Variants in B3GALT1 observed in about 807,000 individuals in gnomAD.
B3GALT1 encodes the protein beta-1,3-galactosyltransferase 1.
A neutral mutation model predicts 23.2 loss-of-function variants in B3GALT1; 10 were observed. The ratio of observed to expected loss-of-function variants is 0.43; its 90% confidence interval spans 0.27 to 0.73. B3GALT1 has a LOEUF of 0.73. B3GALT1 is among the 30% of genes least tolerant of loss of function. The probability of loss-of-function intolerance (pLI) is 0.21; values close to 1 mark genes in which losing one functional copy is unlikely to be tolerated. For missense variants in B3GALT1, 299 were observed against 405.4 expected (o/e 0.74, Z 2.25); for synonymous variants, 156 against 141.5 (o/e 1.10, Z -0.73).
chr2:167,749,501 A>G (rs745710287), intron 3 of B3GALT1, among the ~76,000 whole-genome samples: 2 of 152,196 alleles, frequency 1.3e-5, no homozygotes, highest in African/African-American at 2.4e-5. Context: ...TGTTGTTAAC[A>G]TATGTGAGGC....
chr2:167,648,170 T>TTA (rs1311814305), intron 3 of B3GALT1, among the ~76,000 whole-genome samples: 7 of 152,244 alleles, frequency 4.6e-5, no homozygotes, highest in Non-Finnish European at 1.0e-4. Flanking sequence ...CATCTCCCTA[T>TTA]TATGATATCT....
chr2:167,628,949 A>T (rs1158200690), intron 2 of B3GALT1, among the ~76,000 whole-genome samples: 13 of 151,664 alleles, frequency 8.6e-5, no homozygotes, highest in Admixed American at 8.6e-4. Flanking sequence ...GGCACATGGT[A>T]TAGAAGAAAA....
At chr2:167,810,431 T>C (rs1002110311) in intron 3 of B3GALT1, among the ~76,000 whole-genome samples, 1 of 150,820 alleles carries the variant, frequency 6.6e-6, no homozygotes, top group African/African-American at 2.5e-5. Flanking sequence ...CCACCCTTTG[T>C]TTGTTTTTTC....
At chr2:167,776,229 G>A (rs1688159694) in intron 3 of B3GALT1, among the ~76,000 whole-genome samples, 1 of 152,140 alleles carries the variant, frequency 6.6e-6, no homozygotes, top group African/African-American at 2.4e-5. Context: ...GATATTGAAT[G>A]ACAGGGGACT....
At chr2:167,430,932 A>T (rs984076838) in intron 1 of B3GALT1, among the ~76,000 whole-genome samples, 12 of 152,206 alleles carry the variant, frequency 7.9e-5, no homozygotes, top group Admixed American at 4.6e-4. Context: ...CAAGGATAAA[A>T]TTTAGGTTAT....
chr2:167,672,475 A>G (rs1003816819), intron 3 of B3GALT1, among the ~76,000 whole-genome samples: 7 of 152,126 alleles, frequency 4.6e-5, no homozygotes, highest in Non-Finnish European at 1.0e-4. Context: ...ACATGACTCA[A>G]CATGAGACTC....
chr2:167,858,430 A>G (rs555329198), intron 4 of B3GALT1, among the ~76,000 whole-genome samples: 26 of 151,756 alleles, frequency 1.7e-4, no homozygotes, highest in Admixed American at 1.4e-3. Context: ...CTTATAGGCA[A>G]TCCTCTCTGA....
At chr2:167,325,006 C>T (rs1466289376) in intron 1 of B3GALT1, among the ~76,000 whole-genome samples, 1 of 152,074 alleles carries the variant, frequency 6.6e-6, no homozygotes, top group East Asian at 1.9e-4. Context: ...TTTCACTTAA[C>T]ATAATAATCT....
At chr2:167,790,431 C>T (rs1485026012) in intron 3 of B3GALT1, among the ~76,000 whole-genome samples, 1 of 152,122 alleles carries the variant, frequency 6.6e-6, no homozygotes, top group Non-Finnish European at 1.5e-5. Flanking sequence ...TAAGCTGTGG[C>T]CACAGTTTCC....
chr2:167,524,807 A>G (rs911555866), intron 2 of B3GALT1, among the ~76,000 whole-genome samples: 35 of 152,228 alleles, frequency 2.3e-4, no homozygotes, highest in African/African-American at 8.0e-4. Context: ...TAGTCACACT[A>G]TCAGCACCTT....
At chr2:167,565,486 CA>C (rs1684141288) in intron 2 of B3GALT1, among the ~76,000 whole-genome samples, 2 of 152,138 alleles carry the variant, frequency 1.3e-5, no homozygotes, top group Non-Finnish European at 1.5e-5. Context: ...GCAGTGGCAA[CA>C]AAAGCCAAAA....
intron 3 of B3GALT1, among the ~76,000 whole-genome samples, chr2:167,724,274 G>A (rs1453951354): frequency 1.3e-5 from 2 of 152,188 alleles, no homozygotes; most frequent in Non-Finnish European, 2.9e-5. Context: ...GAGGGACTCA[G>A]AGTCCTACAG....
intron 1 of B3GALT1, among the ~76,000 whole-genome samples, chr2:167,450,752 C>T (rs1474487331): frequency 2.0e-5 from 3 of 152,120 alleles, no homozygotes; most frequent in Non-Finnish European, 2.9e-5. Context: ...CTACCAAGGC[C>T]AGGGAAGTTT....
At chr2:167,771,115 C>A (rs1228683292) in intron 3 of B3GALT1, among the ~76,000 whole-genome samples, 1 of 152,122 alleles carries the variant, frequency 6.6e-6, no homozygotes, top group Admixed American at 6.6e-5. Flanking sequence ...TAATTCAGTT[C>A]TTTGGGCTGG....
chr2:167,673,994 CAGT>C (rs1686380654), intron 3 of B3GALT1, among the ~76,000 whole-genome samples: 1 of 152,056 alleles, frequency 6.6e-6, no homozygotes, highest in Non-Finnish European at 1.5e-5. Context: ...TACTGGTTCT[CAGT>C]TAAGCTTTGC....
At chr2:167,797,842 C>A (rs1157987780) in intron 3 of B3GALT1, among the ~76,000 whole-genome samples, 1 of 152,132 alleles carries the variant, frequency 6.6e-6, no homozygotes, top group Non-Finnish European at 1.5e-5. Context: ...GTAGCTGGGA[C>A]TACAGGTGCC....
intron 4 of B3GALT1, among the ~76,000 whole-genome samples, chr2:167,821,651 T>C (rs1574281331): frequency 6.6e-6 from 1 of 152,182 alleles, no homozygotes; most frequent in South Asian, 2.1e-4. Context: ...GCCAGGCTGG[T>C]CTCGAACTCT....
intron 3 of B3GALT1, among the ~76,000 whole-genome samples, chr2:167,699,378 CTA>C (rs1424182503): frequency 2.8e-4 from 22 of 78,680 alleles, no homozygotes; most frequent in African/African-American, 9.0e-4. Flanking sequence ...GCCATTATTT[CTA>C]TTTTTTTTTT....
intron 2 of B3GALT1, among the ~76,000 whole-genome samples, chr2:167,547,499 A>C (rs1242487432): frequency 6.6e-6 from 1 of 152,110 alleles, no homozygotes; most frequent in East Asian, 1.9e-4. Flanking sequence ...GTTCAAGACC[A>C]GCCTGGCCAA....
Sources: gnomAD v4.1 joint callset for allele counts (sites outside exome capture counted in the v4.1 genomes callset) on GRCh38, gnomAD v4.1.1 for gene constraint, MANE v1.5 for transcripts, NCBI Gene and HGNC (gene_info 2026-07-23, HGNC 2026-07-21) for gene names.